The following ADGRB3 variants were observed in gnomAD, a reference collection of about 807,000 sequenced individuals.
ADGRB3 encodes the protein brain-specific angiogenesis inhibitor 3.
In ADGRB3, 37 loss-of-function variants were observed where a neutral mutation model predicts 193.4. The observed-to-expected ratio is 0.19, with a 90% CI of 0.15 to 0.25. The LOEUF is 0.25. Among genes scored for constraint, ADGRB3 ranks in the 10% least tolerant of loss-of-function variants. The pLI is 1.00. For synonymous variants in ADGRB3, 690 were observed against 644.2 expected, an observed-to-expected ratio of 1.07 and a Z score of -1.08; for missense variants, 1,637 against 1,852.9, an observed-to-expected ratio of 0.88 and a Z score of 2.14.
intron 3 of ADGRB3, among the ~76,000 whole-genome samples, chr6:68,731,275 G>A (rs1765769846): frequency 1.3e-5 from 2 of 151,200 alleles, no homozygotes; most frequent in African/African-American, 4.8e-5. Flanking sequence ...TTTAATACAG[G>A]TCAATTATAT....
At chr6:69,031,043 TC>T (rs56164854) in intron 13 of ADGRB3, among the ~76,000 whole-genome samples, 7 of 7,530 alleles carry the variant, frequency 9.3e-4, no homozygotes, top group Non-Finnish European at 1.2e-3. Context: ...TCTTCTCTCT[TC>T]TCTTCTCTTC....
chr6:68,671,459 C>G (rs974259385), intron 3 of ADGRB3, among the ~76,000 whole-genome samples: 1 of 151,948 alleles, frequency 6.6e-6, no homozygotes, highest in Admixed American at 6.6e-5. Context: ...GGGTTTTTAT[C>G]ATGAAGGGAT....
At chr6:69,046,871 A>G (rs947535986) in intron 13 of ADGRB3, among the ~76,000 whole-genome samples, 2 of 152,112 alleles carry the variant, frequency 1.3e-5, no homozygotes, top group African/African-American at 4.8e-5. Context: ...TTATTTATTT[A>G]TTTTGAGACG....
intron 8 of ADGRB3, among the ~76,000 whole-genome samples, chr6:68,958,914 C>A (rs1352021571): frequency 1.4e-5 from 2 of 142,952 alleles, no homozygotes; most frequent in Non-Finnish European, 3.1e-5. Context: ...TGTGTGTGTA[C>A]ATATACACCA....
intron 11 of ADGRB3, 127 bp from the exon 12 acceptor site, chr6:69,013,911 T>C (rs1245129914): frequency 1.9e-6 from 1 of 529,664 alleles, no homozygotes; most frequent in Non-Finnish European, 3.3e-6. Flanking sequence ...TAGAATACTA[T>C]GTTAGGGTCA....
At chr6:69,142,621 A>T (rs1167587363) in intron 17 of ADGRB3, among the ~76,000 whole-genome samples, 1 of 152,214 alleles carries the variant, frequency 6.6e-6, no homozygotes, top group Admixed American at 6.5e-5. Context: ...CTCAAAGCAT[A>T]TACCATATTG....
At chr6:68,711,700 C>A (rs1458142992) in intron 3 of ADGRB3, among the ~76,000 whole-genome samples, 2 of 152,070 alleles carry the variant, frequency 1.3e-5, no homozygotes, top group African/African-American at 4.8e-5. Context: ...CCCATCCCTT[C>A]AAAAGCATGC....
chr6:69,350,613 A>C (rs1470106009), intron 26 of ADGRB3, among the ~76,000 whole-genome samples: 1 of 152,174 alleles, frequency 6.6e-6, no homozygotes, highest in African/African-American at 2.4e-5. Flanking sequence ...TTTAATATCT[A>C]ATAAATCTTA....
chr6:69,303,328 A>G (rs1013226271), intron 20 of ADGRB3, among the ~76,000 whole-genome samples: 14 of 151,872 alleles, frequency 9.2e-5, no homozygotes, highest in African/African-American at 2.7e-4. Context: ...GCATGTCCCT[A>G]AAGTTACACC....
At chr6:69,318,412 C>A (rs947957290) in intron 20 of ADGRB3, among the ~76,000 whole-genome samples, 12 of 151,312 alleles carry the variant, frequency 7.9e-5, no homozygotes, top group African/African-American at 2.9e-4. Context: ...AGTCACCCTG[C>A]ATTACTGGAC....
At chr6:69,312,398 G>A (rs144157520) in intron 20 of ADGRB3, among the ~76,000 whole-genome samples, 134 of 151,746 alleles carry the variant, frequency 8.8e-4, no homozygotes, top group Middle Eastern at 3.4e-3. Context: ...ATCTGAGGTT[G>A]GATAGCTCAG....
intron 13 of ADGRB3, among the ~76,000 whole-genome samples, chr6:69,031,700 C>A (rs776453969): frequency 6.6e-6 from 1 of 150,658 alleles, no homozygotes; most frequent in Non-Finnish European, 1.5e-5. Context: ...AGTGGCATGA[C>A]TTCAGCTCAC....
At chr6:68,699,148 C>T (rs961687515) in intron 3 of ADGRB3, among the ~76,000 whole-genome samples, 1 of 152,082 alleles carries the variant, frequency 6.6e-6, no homozygotes, top group Non-Finnish European at 1.5e-5. Context: ...TATGAATGGA[C>T]ATTAACTCTT....
chr6:68,908,957 T>C (rs1766623631), intron 3 of ADGRB3, among the ~76,000 whole-genome samples: 1 of 152,146 alleles, frequency 6.6e-6, no homozygotes, highest in South Asian at 2.1e-4. Flanking sequence ...ATATAAGTGA[T>C]TCTCCTGAGA....
intron 17 of ADGRB3, among the ~76,000 whole-genome samples, chr6:69,162,458 G>A (rs774804598): frequency 1.3e-4 from 19 of 151,982 alleles, no homozygotes; most frequent in Non-Finnish European, 1.8e-4. Flanking sequence ...AGAGAGAAGC[G>A]CAGCCTGGAG....
At chr6:68,807,037 C>T (rs1324143612) in intron 3 of ADGRB3, among the ~76,000 whole-genome samples, 1 of 151,996 alleles carries the variant, frequency 6.6e-6, no homozygotes, top group African/African-American at 2.4e-5. Flanking sequence ...AATGATGTAA[C>T]ACAACTTAAC....
chr6:68,963,622 G>A (rs1768294440), intron 8 of ADGRB3, among the ~76,000 whole-genome samples: 1 of 152,112 alleles, frequency 6.6e-6, no homozygotes, highest in African/African-American at 2.4e-5. Context: ...ATACAGGGGT[G>A]CATATTCTCC....
rs1264251474 is a variant in ADGRB3, at chr6:69,048,178, T to C, written c.2108-7T>C. 3 of 1,606,016 alleles carry C rather than the reference T, an allele frequency of 1.9e-6. No individual in the cohort carries two copies. The highest frequency in any genetic ancestry group is 2.7e-5 in the African/African-American group (2 of 74,326). On this transcript the variant is annotated splice_polypyrimidine_tract_variant and splice_region_variant and intron_variant, in intron 13 of 31. Coordinates refer to ENST00000370598, the MANE Select transcript of ADGRB3 (RefSeq NM_001704.3). ...TTTAATTGAAATTATTATTTCTTTT[T>C]TAATAGTGGCTAGTATTCAGAAGCT... is the stretch of plus-strand genomic sequence containing the variant.
At position 68,979,483 on chromosome 6, in the gene ADGRB3, T is replaced by C. The variant is rs763171544; in HGVS notation, c.1734+4143T>C. Among the ~76,000 whole-genome samples, 7 of 151,620 alleles carry C rather than the reference T, an allele frequency of 4.6e-5. 1 individual carries two copies. The highest frequency in any genetic ancestry group is 8.9e-5 in the Non-Finnish European group (6 of 67,658). The stretch of plus-strand genomic sequence containing the variant: ...TAAGATGCAAAGTTAGACACTATCA[T>C]ATCAATGTTGTTTTTTAAAAAAGAC... On this transcript the variant is annotated intron_variant, in intron 10 of 31. Coordinates refer to ENST00000370598, the MANE Select transcript of ADGRB3 (RefSeq NM_001704.3).
Sources: gnomAD v4.1 joint callset for allele counts (sites outside exome capture counted in the v4.1 genomes callset) on GRCh38, gnomAD v4.1.1 for gene constraint, MANE v1.5 for transcripts, NCBI Gene and HGNC (gene_info 2026-07-23, HGNC 2026-07-21) for gene names.